The following NUDCD1 variants were observed in gnomAD, a reference collection of about 807,000 sequenced individuals.
The protein encoded by NUDCD1 is NudC domain containing 1, also known as nudC domain-containing protein 1.
NUDCD1 carries 60 observed loss-of-function variants against 67.8 expected under a neutral mutation model. That is an observed-to-expected ratio of 0.88 (90% CI 0.72 to 1.10). The LOEUF (loss-of-function observed/expected upper bound fraction) is 1.10, where lower values mean the gene tolerates loss of function less well. Ranked by LOEUF, NUDCD1 falls within the 50% of genes least tolerant of loss-of-function variation. The pLI is 0.00. For missense variants in NUDCD1, 643 were observed against 695.0 expected (o/e 0.93, Z 0.84); for synonymous variants, 244 against 230.8 (o/e 1.06, Z -0.52).
Position 109,296,565 on chromosome 8 carries a change from G to A in NUDCD1, c.278C>T (p.Thr93Ile), listed in dbSNP as rs1219096920. The A allele has an allele frequency of 6.2e-7, 1 of 1,600,680 alleles. No individual in the cohort carries two copies. The highest frequency in any genetic ancestry group is 1.3e-5 in the African/African-American group (1 of 74,486). Residue 93 changes from threonine to isoleucine, a missense_variant, in exon 3 of 10, where the codon ACT becomes ATT. Coordinates refer to ENST00000239690, the MANE Select transcript of NUDCD1 (RefSeq NM_032869.4). ...CACCTCTCGTGGTTTTCCTAAGGCA[G>A]TGTCCTAAAAAGACCAAACATTATA... ...RIMNLTVMLD[T>I]ALGKPREVFR...
chr8:109,298,083 A>T (rs1814885013), intron 2 of NUDCD1, among the ~76,000 whole-genome samples: 1 of 152,002 alleles, frequency 6.6e-6, no homozygotes, highest in African/African-American at 2.4e-5. Flanking sequence ...TTCCTTTCAT[A>T]TTTTACTGCT....
chr8:109,265,200 C>T (rs952412228), intron 8 of NUDCD1, among the ~76,000 whole-genome samples: 7 of 151,832 alleles, frequency 4.6e-5, no homozygotes, highest in Non-Finnish European at 8.8e-5. Flanking sequence ...AATTTTGTTT[C>T]GTAAAAATGC....
chr8:109,268,179 C>T (rs142617636), intron 8 of NUDCD1, among the ~76,000 whole-genome samples: 23 of 152,250 alleles, frequency 1.5e-4, no homozygotes, highest in African/African-American at 3.6e-4. Context: ...AGATCCACTG[C>T]TATAACATTC....
intron 8 of NUDCD1, among the ~76,000 whole-genome samples, chr8:109,263,323 G>A (rs1161784983): frequency 6.6e-6 from 1 of 152,088 alleles, no homozygotes; most frequent in Admixed American, 6.6e-5. Context: ...CATGCTAACT[G>A]ATCATTATAG....
At chr8:109,261,042 G>T (rs914026224) in intron 8 of NUDCD1, among the ~76,000 whole-genome samples, 1 of 152,112 alleles carries the variant, frequency 6.6e-6, no homozygotes, top group Non-Finnish European at 1.5e-5. Flanking sequence ...CCAAGGCCAA[G>T]ACTCTAAGAT....
At position 109,334,051 on chromosome 8, in the gene NUDCD1, G is replaced by A. The variant is rs770646133; in HGVS notation, c.-41C>T. ...CAGCGTGAGAATTAATAAAGCCCTT[G>A]TTGAAAGGTCCGCGCTTCACGCCTC... On this transcript the variant is annotated 5_prime_UTR_variant, in exon 1 of 10. Coordinates refer to ENST00000239690, the MANE Select transcript of NUDCD1 (RefSeq NM_032869.4). 28 of 1,612,830 alleles carry A rather than the reference G, an allele frequency of 1.7e-5. No individual in the cohort carries two copies. In the Admixed American group the frequency reaches 2.5e-4, roughly 14 times the overall value.
At chr8:109,310,927 T>G (rs1815232212) in intron 2 of NUDCD1, among the ~76,000 whole-genome samples, 1 of 146,730 alleles carries the variant, frequency 6.8e-6, no homozygotes, top group Non-Finnish European at 1.5e-5. Flanking sequence ...GTGATTCCCC[T>G]GCCTCAGCCT....
chr8:109,268,971 C>T (rs1274653749), intron 8 of NUDCD1, among the ~76,000 whole-genome samples: 1 of 152,076 alleles, frequency 6.6e-6, no homozygotes, highest in African/African-American at 2.4e-5. Flanking sequence ...AGTACCCAGC[C>T]TGGATATAAT....
chr8:109,271,194 A>T, intron 7 of NUDCD1, 64 bp from the exon 8 acceptor site: 1 of 1,163,644 alleles, frequency 8.6e-7, no homozygotes, highest in Non-Finnish European at 1.2e-6. Context: ...GGGTTTCTTC[A>T]TCTTTAAAAA....
chr8:109,332,812 A>T (rs1455055996), intron 1 of NUDCD1, among the ~76,000 whole-genome samples: 1 of 152,192 alleles, frequency 6.6e-6, no homozygotes, highest in African/African-American at 2.4e-5. Context: ...AATCAAGCTT[A>T]TCCTCTCTCA....
intron 8 of NUDCD1, among the ~76,000 whole-genome samples, chr8:109,247,598 GTGT>G (rs956538295): frequency 6.6e-6 from 1 of 152,178 alleles, no homozygotes; most frequent in African/African-American, 2.4e-5. Flanking sequence ...ACTGTGTCAA[GTGT>G]TGTTAATTGT....
At chr8:109,249,658 T>C (rs1468250459) in intron 8 of NUDCD1, among the ~76,000 whole-genome samples, 1 of 152,186 alleles carries the variant, frequency 6.6e-6, no homozygotes, top group Non-Finnish European at 1.5e-5. Flanking sequence ...GATCTGCCCC[T>C]GAAAAGGGAC....
intron 6 of NUDCD1, among the ~76,000 whole-genome samples, chr8:109,276,304 C>T (rs1387525258): frequency 1.3e-5 from 2 of 152,058 alleles, no homozygotes; most frequent in Admixed American, 6.6e-5. Flanking sequence ...GAAGGAAAAC[C>T]CAAGTAAGAT....
chr8:109,329,136 A>T (rs1449271264), intron 1 of NUDCD1, among the ~76,000 whole-genome samples: 1 of 152,174 alleles, frequency 6.6e-6, no homozygotes, highest in Non-Finnish European at 1.5e-5. Flanking sequence ...ATTACAAAAA[A>T]AAAAAGTAAA....
At chr8:109,244,047 T>C (rs914417326) in intron 9 of NUDCD1, among the ~76,000 whole-genome samples, 2 of 152,096 alleles carry the variant, frequency 1.3e-5, no homozygotes, top group African/African-American at 4.8e-5. Context: ...GATAGTGACA[T>C]GGTTAGCAAA....
At chr8:109,268,403 C>T (rs1255785315) in intron 8 of NUDCD1, among the ~76,000 whole-genome samples, 1 of 152,146 alleles carries the variant, frequency 6.6e-6, no homozygotes, top group Non-Finnish European at 1.5e-5. Flanking sequence ...ACTTAGTAAG[C>T]AGATCCACTA....
chr8:109,303,965 C>A (rs1259891674), intron 2 of NUDCD1, among the ~76,000 whole-genome samples: 2 of 152,036 alleles, frequency 1.3e-5, no homozygotes, highest in Admixed American at 6.6e-5. Flanking sequence ...TCAACCACCC[C>A]ATGGTGCCAA....
chr8:109,315,778 C>A (rs950468797), intron 2 of NUDCD1: 3 of 152,270 alleles, frequency 2.0e-5, no homozygotes, highest in African/African-American at 7.2e-5. Context: ...TTTCAGCAAA[C>A]CTTCTAAGAA....
chr8:109,287,298 AAAAT>A (rs1356080622), intron 5 of NUDCD1, among the ~76,000 whole-genome samples: 1 of 152,140 alleles, frequency 6.6e-6, no homozygotes. Flanking sequence ...ATATATATAA[AAAAT>A]AAATAATTTT....
Sources: gnomAD v4.1 joint callset for allele counts (sites outside exome capture counted in the v4.1 genomes callset) on GRCh38, gnomAD v4.1.1 for gene constraint, MANE v1.5 for transcripts, NCBI Gene and HGNC (gene_info 2026-07-23, HGNC 2026-07-21) for gene names.